Variants in MITF observed in about 807,000 individuals in gnomAD.
The protein encoded by MITF is melanocyte inducing transcription factor.
In MITF, 17 loss-of-function variants were observed where a neutral mutation model predicts 60.5. That is an observed-to-expected ratio of 0.28 (90% CI 0.19 to 0.42). The LOEUF (loss-of-function observed/expected upper bound fraction) is 0.42, where lower values mean the gene tolerates loss of function less well. Ranked by LOEUF, MITF falls within the 10% of genes least tolerant of loss-of-function variation. The pLI is 1.00. For missense variants in MITF, 622 were observed against 683.5 expected (o/e 0.91, Z 1.00); for synonymous variants, 260 against 248.5 (o/e 1.05, Z -0.43).
At chr3:69,928,021 C>G (rs951045775) in intron 2 of MITF, among the ~76,000 whole-genome samples, 5 of 152,208 alleles carry the variant, frequency 3.3e-5, no homozygotes, top group African/African-American at 1.2e-4. Context: ...CAACTATGCT[C>G]TTGTACTGTT....
At chr3:69,911,694 G>T (rs1416916888) in intron 2 of MITF, among the ~76,000 whole-genome samples, 4 of 152,098 alleles carry the variant, frequency 2.6e-5, no homozygotes, top group African/African-American at 9.7e-5. Flanking sequence ...TGTACCTAAG[G>T]AATTGCACAT....
chr3:69,860,552 C>T (rs1363499786), intron 1 of MITF, among the ~76,000 whole-genome samples: 1 of 145,396 alleles, frequency 6.9e-6, no homozygotes, highest in Non-Finnish European at 1.5e-5. Context: ...GAGCGGAGAT[C>T]GCGCCACAGC....
chr3:69,824,840 T>C (rs998154112), intron 1 of MITF, among the ~76,000 whole-genome samples: 8 of 152,190 alleles, frequency 5.3e-5, no homozygotes, highest in Non-Finnish European at 1.2e-4. Flanking sequence ...GTGAACAGCT[T>C]CCCTGAAACC....
chr3:69,914,779 C>G (rs1303771681), intron 2 of MITF, among the ~76,000 whole-genome samples: 1 of 152,162 alleles, frequency 6.6e-6, no homozygotes, highest in Non-Finnish European at 1.5e-5. Context: ...AATCCTGAGC[C>G]TGACTTCTTC....
intron 7 of MITF, among the ~76,000 whole-genome samples, chr3:69,952,208 T>C (rs1260622503): frequency 6.6e-6 from 1 of 152,112 alleles, no homozygotes; most frequent in African/African-American, 2.4e-5. Flanking sequence ...ATTATAAGTG[T>C]TGCTCACACT....
At chr3:69,790,934 A>G (rs2062729919) in intron 1 of MITF, among the ~76,000 whole-genome samples, 1 of 152,236 alleles carries the variant, frequency 6.6e-6, no homozygotes, top group South Asian at 2.1e-4. Context: ...TCTTAATTCC[A>G]AATGCATCCA....
chr3:69,832,334 G>A (rs1033883107), intron 1 of MITF, among the ~76,000 whole-genome samples: 2 of 152,186 alleles, frequency 1.3e-5, no homozygotes, highest in Non-Finnish European at 2.9e-5. Flanking sequence ...CTGAGGATAC[G>A]AAGTGAAGGA....
chr3:69,852,444 G>A (rs1351984160), intron 1 of MITF, among the ~76,000 whole-genome samples: 1 of 152,096 alleles, frequency 6.6e-6, no homozygotes, highest in Non-Finnish European at 1.5e-5. Flanking sequence ...CTCATATCTG[G>A]ATTCTTTCGC....
At chr3:69,817,329 C>A (rs2063197017) in intron 1 of MITF, among the ~76,000 whole-genome samples, 1 of 152,148 alleles carries the variant, frequency 6.6e-6, no homozygotes, top group African/African-American at 2.4e-5. Context: ...TAAGTCTAAT[C>A]TGTTAACATT....
chr3:69,776,166 G>A (rs1227673298), intron 1 of MITF, among the ~76,000 whole-genome samples: 1 of 152,196 alleles, frequency 6.6e-6, no homozygotes, highest in East Asian at 1.9e-4. Flanking sequence ...CACCAATGTG[G>A]CACTTGTAAA....
chr3:69,868,041 C>A (rs2064150470), intron 1 of MITF, among the ~76,000 whole-genome samples: 1 of 152,198 alleles, frequency 6.6e-6, no homozygotes, highest in Non-Finnish European at 1.5e-5. Flanking sequence ...CAGAAGGCAG[C>A]ATTCTAGAAT....
At chr3:69,855,156 C>T (rs569157689) in intron 1 of MITF, among the ~76,000 whole-genome samples, 23 of 150,464 alleles carry the variant, frequency 1.5e-4, no homozygotes, top group Non-Finnish European at 2.5e-4. Flanking sequence ...GTGTGACTCT[C>T]TTTGCCCTAA....
At chr3:69,795,440 T>A (rs906686340) in intron 1 of MITF, among the ~76,000 whole-genome samples, 2 of 152,318 alleles carry the variant, frequency 1.3e-5, no homozygotes, top group East Asian at 3.9e-4. Flanking sequence ...TAAAAATAAA[T>A]CTAGGCTGGG....
chr3:69,846,729 C>G (rs2063738870), intron 1 of MITF, among the ~76,000 whole-genome samples: 1 of 149,808 alleles, frequency 6.7e-6, no homozygotes, highest in African/African-American at 2.5e-5. Flanking sequence ...AGACATGAGA[C>G]TCACTTGAAC....
intron 1 of MITF, among the ~76,000 whole-genome samples, chr3:69,803,979 T>C (rs1035367106): frequency 4.6e-5 from 7 of 152,184 alleles, no homozygotes; most frequent in African/African-American, 1.7e-4. Context: ...CTTGTCTAAA[T>C]AGAAGAATCC....
At chr3:69,825,171 A>T (rs1232428026) in intron 1 of MITF, among the ~76,000 whole-genome samples, 1 of 152,198 alleles carries the variant, frequency 6.6e-6, no homozygotes, top group Non-Finnish European at 1.5e-5. Flanking sequence ...ACCCAGGGTT[A>T]ATATAGGGTC....
At chr3:69,895,468 G>A (rs1304391995) in intron 2 of MITF, among the ~76,000 whole-genome samples, 3 of 152,094 alleles carry the variant, frequency 2.0e-5, no homozygotes, top group Non-Finnish European at 4.4e-5. Flanking sequence ...AGAATAGATG[G>A]CGAGGTTGTC....
intron 2 of MITF, among the ~76,000 whole-genome samples, chr3:69,890,189 T>C (rs2064727776): frequency 6.6e-6 from 1 of 152,146 alleles, no homozygotes; most frequent in Non-Finnish European, 1.5e-5. Context: ...ATATCTTATG[T>C]ATGGTTGATA....
At chr3:69,951,696 A>T in intron 6 of MITF, 116 bp from the exon 7 acceptor site, 1 of 764,746 alleles carries the variant, frequency 1.3e-6, no homozygotes, top group Non-Finnish European at 2.3e-6. Flanking sequence ...ACGTATTTTT[A>T]CTTAGAGTCA....
Sources: gnomAD v4.1 joint callset for allele counts (sites outside exome capture counted in the v4.1 genomes callset) on GRCh38, gnomAD v4.1.1 for gene constraint, MANE v1.5 for transcripts, NCBI Gene and HGNC (gene_info 2026-07-23, HGNC 2026-07-21) for gene names.